The following NLGN1 variants were observed in gnomAD, a reference collection of about 807,000 sequenced individuals.
NLGN1 encodes neuroligin-1.
Under a neutral mutation model 65.5 loss-of-function variants are expected in NLGN1, and 12 were observed. The observed-to-expected ratio is 0.18, with a 90% CI of 0.12 to 0.30. The LOEUF is 0.30. NLGN1 is among the 10% of genes least tolerant of loss of function. The pLI is 1.00. For missense variants in NLGN1, 750 were observed against 1,007.1 expected, an observed-to-expected ratio of 0.74 and a Z score of 3.46; for synonymous variants, 350 against 359.5, an observed-to-expected ratio of 0.97 and a Z score of 0.30.
chr3:174,225,582 T>G (rs1314167920), intron 4 of NLGN1, among the ~76,000 whole-genome samples: 1 of 152,018 alleles, frequency 6.6e-6, no homozygotes, highest in Non-Finnish European at 1.5e-5. Context: ...ATACAAAAAA[T>G]TCTCTGGGCG....
intron 2 of NLGN1, among the ~76,000 whole-genome samples, chr3:173,566,381 C>G (rs1001632979): frequency 3.3e-5 from 5 of 152,106 alleles, no homozygotes; most frequent in Non-Finnish European, 5.9e-5. Context: ...GCTAGTAGGT[C>G]ACCCAAATAT....
At chr3:173,836,191 A>G (rs1723595020) in intron 4 of NLGN1, among the ~76,000 whole-genome samples, 1 of 152,180 alleles carries the variant, frequency 6.6e-6, no homozygotes, top group Admixed American at 6.5e-5. Flanking sequence ...ATTTTGGATT[A>G]CAGCCCTAAC....
chr3:173,923,260 T>C (rs368587551), intron 4 of NLGN1, among the ~76,000 whole-genome samples: 98 of 152,228 alleles, frequency 6.4e-4, no homozygotes, highest in African/African-American at 2.2e-3. Flanking sequence ...GGAGCCTGAG[T>C]AGAGGGTCTG....
chr3:173,871,635 G>A (rs559157759), intron 4 of NLGN1, among the ~76,000 whole-genome samples: 2 of 152,324 alleles, frequency 1.3e-5, no homozygotes, highest in East Asian at 1.9e-4. Context: ...CTAAATTTAT[G>A]TATAATCTCT....
At chr3:174,141,672 C>T (rs1310619424) in intron 4 of NLGN1, among the ~76,000 whole-genome samples, 1 of 152,144 alleles carries the variant, frequency 6.6e-6, no homozygotes, top group Non-Finnish European at 1.5e-5. Flanking sequence ...GCTAGAGAGT[C>T]TCCTATCCTG....
chr3:174,252,697 G>A (rs2152844511), intron 4 of NLGN1, among the ~76,000 whole-genome samples: 1 of 152,176 alleles, frequency 6.6e-6, no homozygotes, highest in East Asian at 1.9e-4. Context: ...TTATCTTTAA[G>A]ACATCAGAGT....
At chr3:173,556,626 T>C (rs1741747175) in intron 2 of NLGN1, among the ~76,000 whole-genome samples, 2 of 151,926 alleles carry the variant, frequency 1.3e-5, no homozygotes, top group African/African-American at 2.4e-5. Context: ...GCTTGGGCAA[T>C]ATAATGAGTC....
At chr3:173,666,060 T>TG (rs1266861209) in intron 3 of NLGN1, among the ~76,000 whole-genome samples, 1 of 152,174 alleles carries the variant, frequency 6.6e-6, no homozygotes, top group East Asian at 1.9e-4. Context: ...CTGTTGTATG[T>TG]GATTGAGGAT....
At chr3:174,152,829 C>G (rs1011999831) in intron 4 of NLGN1, among the ~76,000 whole-genome samples, 2 of 152,042 alleles carry the variant, frequency 1.3e-5, no homozygotes, top group Non-Finnish European at 2.9e-5. Context: ...TAATATAACA[C>G]GATAATCCTA....
At chr3:173,786,495 G>A (rs7636050) in intron 3 of NLGN1, among the ~76,000 whole-genome samples, 4,884 of 152,124 alleles carry the variant, frequency 0.032, 124 homozygotes, top group African/African-American at 0.071. Flanking sequence ...TCAATGGAAA[G>A]TTATCTTTAG....
chr3:174,046,228 A>C (rs1733560330), intron 4 of NLGN1, among the ~76,000 whole-genome samples: 1 of 152,228 alleles, frequency 6.6e-6, no homozygotes, highest in Non-Finnish European at 1.5e-5. Flanking sequence ...TATACAAAAA[A>C]TGACAATAGT....
intron 4 of NLGN1, among the ~76,000 whole-genome samples, chr3:174,188,765 T>G (rs563043507): frequency 1.4e-4 from 22 of 152,136 alleles, no homozygotes; most frequent in African/African-American, 5.1e-4. Flanking sequence ...ATATAGGTTT[T>G]GATATTCTAT....
At chr3:174,145,558 A>C (rs1723066842) in intron 4 of NLGN1, among the ~76,000 whole-genome samples, 1 of 152,020 alleles carries the variant, frequency 6.6e-6, no homozygotes, top group Non-Finnish European at 1.5e-5. Context: ...CAAAATAGTT[A>C]AACAAAAAGG....
At chr3:173,715,025 C>T (rs1036257162) in intron 3 of NLGN1, among the ~76,000 whole-genome samples, 21 of 152,024 alleles carry the variant, frequency 1.4e-4, no homozygotes, top group African/African-American at 4.1e-4. Flanking sequence ...GGAAGGCAAC[C>T]GCTTTGGAGG....
chr3:173,747,924 A>G (rs1384877599), intron 3 of NLGN1, among the ~76,000 whole-genome samples: 2 of 142,302 alleles, frequency 1.4e-5, no homozygotes, highest in Non-Finnish European at 3.0e-5. Flanking sequence ...AGCAATTCTC[A>G]TGCCTCAGCC....
intron 4 of NLGN1, among the ~76,000 whole-genome samples, chr3:174,102,756 C>T (rs1053683135): frequency 2.6e-5 from 4 of 152,074 alleles, no homozygotes; most frequent in African/African-American, 2.4e-5. Context: ...AGTTAATGGA[C>T]AGTTAATATC....
intron 4 of NLGN1, among the ~76,000 whole-genome samples, chr3:174,095,430 CAT>C (rs1491558735): frequency 1.3e-5 from 2 of 151,742 alleles, no homozygotes; most frequent in Admixed American, 1.3e-4. Flanking sequence ...AGATTGTACA[CAT>C]GATAGGGGAG....
intron 3 of NLGN1, among the ~76,000 whole-genome samples, chr3:173,700,901 G>A (rs1012551390): frequency 8.5e-5 from 13 of 152,204 alleles, no homozygotes; most frequent in Middle Eastern, 3.4e-3. Flanking sequence ...CGAGGCGGGC[G>A]GATCACAAGG....
At chr3:174,197,640 A>G (rs933798364) in intron 4 of NLGN1, among the ~76,000 whole-genome samples, 4 of 152,030 alleles carry the variant, frequency 2.6e-5, no homozygotes, top group Non-Finnish European at 5.9e-5. Context: ...AATGAGGACA[A>G]TACTTTTCTA....
Sources: gnomAD v4.1 joint callset for allele counts (sites outside exome capture counted in the v4.1 genomes callset) on GRCh38, gnomAD v4.1.1 for gene constraint, MANE v1.5 for transcripts, NCBI Gene and HGNC (gene_info 2026-07-23, HGNC 2026-07-21) for gene names.